TUBGCP6: variants seen among roughly 807,000 people sequenced by gnomAD.
The protein encoded by TUBGCP6 is tubulin gamma complex component 6.
In TUBGCP6, 161 loss-of-function variants were observed where a neutral mutation model predicts 175.8. The observed-to-expected ratio is 0.92, with a 90% CI of 0.81 to 1.04. The LOEUF is 1.04. Among genes scored for constraint, TUBGCP6 ranks in the 50% least tolerant of loss-of-function variants. The probability of loss-of-function intolerance (pLI) is 0.00; values close to 1 mark genes in which losing one functional copy is unlikely to be tolerated. For synonymous variants in TUBGCP6, 1,173 were observed against 1,030.5 expected (o/e 1.14, Z -2.65); for missense variants, 2,572 against 2,433.0 (o/e 1.06, Z -1.20).
At chr22:50,230,422 C>CA (rs2064672917) in intron 3 of TUBGCP6, among the ~76,000 whole-genome samples, 1 of 152,032 alleles carries the variant, frequency 6.6e-6, no homozygotes, top group Non-Finnish European at 1.5e-5. Flanking sequence ...GCCTGGCCAA[C>CA]ATGGCAAAGC....
chr22:50,226,556 TG>T (rs991578094), intron 7 of TUBGCP6, among the ~76,000 whole-genome samples, 176 bp downstream of exon 7: 5 of 6,824 alleles, frequency 7.3e-4, no homozygotes, highest in African/African-American at 2.4e-3. Context: ...GGGGGCAGGG[TG>T]GGGGGTGTGG....
Position 50,220,250 on chromosome 22 carries a change from C to T in TUBGCP6, c.4108+1G>A. ...CTGACCACCAGCCACCCTACTCTGA[C>T]CTAGTTCTTCAGAGACACTGTCTCC... is the stretch of plus-strand genomic sequence containing the variant. On this transcript the variant is annotated splice_donor_variant, in intron 16 of 24. Coordinates refer to ENST00000248846, the MANE Select transcript of TUBGCP6 (RefSeq NM_020461.4). LOFTEE classifies it high-confidence loss of function. 6.4e-7 allele frequency: 1 copy of T among 1,552,338 alleles called. No homozygotes were observed. The highest frequency in any genetic ancestry group is 8.7e-7 in the Non-Finnish European group (1 of 1,145,480).
Position 50,229,480 on chromosome 22 carries a change from G to A in TUBGCP6, c.1214C>T (p.Thr405Ile). The A allele has an allele frequency of 6.2e-7, 1 of 1,612,970 alleles. No individual in the cohort carries two copies. The highest frequency in any genetic ancestry group is 2.2e-5 in the East Asian group (1 of 44,864). Residue 405 changes from threonine (T) to isoleucine (I), a missense_variant, in exon 4 of 25, where the codon ACC becomes ATC. By Grantham distance (89) the Thr-to-Ile change is moderately conservative (BLOSUM62 -1). Coordinates refer to ENST00000248846, the MANE Select transcript of TUBGCP6 (RefSeq NM_020461.4). ...GAAATGACTCAGGCGCGTGTAGCAG[G>A]TCCCATACTCGGCCACTTCCGAGAG... Reference protein sequence around the residue: ...SLLSEVAEYGTCYTRLSHFSL... With the variant: ...SLLSEVAEYGICYTRLSHFSL...
At chr22:50,243,633 AAGAAG>A (rs1416888342) in intron 1 of TUBGCP6, 81 bp downstream of exon 1, 71 of 858,696 alleles carry the variant, frequency 8.3e-5, no homozygotes, top group Non-Finnish European at 1.1e-4. Flanking sequence ...AAAAAAAAAA[AAGAAG>A]AAGAAGAAGA....
At position 50,221,246 on chromosome 22, in the gene TUBGCP6, T is replaced by C; in HGVS notation, c.3113A>G (p.Asp1038Gly). 1.9e-6 allele frequency: 3 copies of C among 1,614,120 alleles called. No individual in the cohort carries two copies. Among genetic ancestry groups the C allele is most frequent in the Non-Finnish European group, 2.5e-6 (3 of 1,180,034 alleles). The change falls in exon 16 of 25, where the codon GAC (aspartate) becomes GGC (glycine). Residue 1038 changes from aspartate (D) to glycine (G), a missense_variant. Asp to Gly is a moderately conservative substitution (Grantham distance 94). Transcript: ENST00000248846. ...GGTGGGAGCTATTTCAGAAGCGTAGTCCCCTGTGGGAAGACCACCCCCTGA... is the reference window on the plus strand; with the variant it reads ...GGTGGGAGCTATTTCAGAAGCGTAGCCCCCTGTGGGAAGACCACCCCCTGA... ...QVSGGGLPTG[D>G]YASEIAPTRP...
intron 2 of TUBGCP6, among the ~76,000 whole-genome samples, chr22:50,235,026 T>A (rs1368478451): frequency 7.4e-6 from 1 of 135,742 alleles, no homozygotes; most frequent in Non-Finnish European, 1.6e-5. Flanking sequence ...ATCCACCCCC[T>A]GTCCACGGCA....
At chr22:50,228,866 C>T (rs1353038163) in intron 4 of TUBGCP6, among the ~76,000 whole-genome samples, 2 of 152,148 alleles carry the variant, frequency 1.3e-5, no homozygotes, top group Non-Finnish European at 2.9e-5. Flanking sequence ...CAACACCCTC[C>T]TCTCAATCCC....
chr22:50,219,040 C>T (rs137904544), intron 20 of TUBGCP6, 28 bp downstream of exon 20: 1 of 1,610,262 alleles, frequency 6.2e-7, no homozygotes, highest in Non-Finnish European at 8.5e-7. Flanking sequence ...CCCTCTACCA[C>T]TGGCCCCACC....
At chr22:50,236,920 C>T (rs1277952840) in intron 2 of TUBGCP6, among the ~76,000 whole-genome samples, 1 of 152,166 alleles carries the variant, frequency 6.6e-6, no homozygotes, top group Non-Finnish European at 1.5e-5. Context: ...CATGGCTGCA[C>T]ACCCCTCTTG....
At chr22:50,238,931 G>C (rs903116879) in intron 2 of TUBGCP6, among the ~76,000 whole-genome samples, 1 of 152,144 alleles carries the variant, frequency 6.6e-6, no homozygotes, top group Non-Finnish European at 1.5e-5. Flanking sequence ...CACCGTGCTG[G>C]GAAGCAGGGA....
At position 50,234,770 on chromosome 22, in the gene TUBGCP6, C is replaced by T. The variant is rs569570407; in HGVS notation, c.906-1244G>A. The stretch of plus-strand genomic sequence containing the variant: ...CCCATGGTACCAGCACCCACACCCC[C>T]GTCCACAGCAGCATCCACATCCAGG... On this transcript the variant is annotated intron_variant, in intron 2 of 24. Transcript: ENST00000248846. Among the ~76,000 whole-genome samples the T allele has an allele frequency of 6.0e-3, 859 of 142,990 alleles. 13 individuals carry two copies. The highest frequency in any genetic ancestry group is 0.02 in the African/African-American group (764 of 38,214). The allele number at this position is 142,990 out of a possible 152,430, so 93.8% of individuals were successfully genotyped here.
At position 50,220,264 on chromosome 22, in the gene TUBGCP6, G is replaced by C; in HGVS notation, c.4095C>G (p.Val1365=). Residue 1365 remains valine, a synonymous_variant, in exon 16 of 25, where the codon GTC becomes GTG. Transcript: ENST00000248846. ...PWWPNTPGDS[V]SEELGPGRSG... is the part of the protein sequence containing the mutation. ...CCCTACTCTGACCTAGTTCTTCAGA[G>C]ACACTGTCTCCCGGGGTGTTGGGCC... 3 of 1,559,436 alleles carry C rather than the reference G, an allele frequency of 1.9e-6. No homozygotes were observed. Among genetic ancestry groups the C allele is most frequent in the South Asian group, 1.2e-5 (1 of 83,080 alleles).
intron 1 of TUBGCP6, among the ~76,000 whole-genome samples, chr22:50,243,458 A>C (rs1001316782): frequency 6.6e-6 from 1 of 150,780 alleles, no homozygotes; most frequent in Non-Finnish European, 1.5e-5. Flanking sequence ...ATCTCAAAAA[A>C]AAAAAAAAAT....
rs1474033358 is a variant in TUBGCP6 at position 50,240,265 on chromosome 22, G to T, written c.844C>A (p.Leu282Met). The change falls in exon 2 of 25, where the codon CTG (leucine) becomes ATG (methionine). Residue 282 changes from leucine to methionine, a missense_variant. Physicochemically the swap from Leu to Met is conservative, Grantham distance 15. Transcript: ENST00000248846. The stretch of plus-strand genomic sequence containing the variant: ...TCATAGGTAAGTGCGGCTTCCCACA[G>T]GTCCACGTCTGGGGTCACGCTGGGC... ...SEPSVTPDVD[L>M]WEAALTYEAS... The T allele has an allele frequency of 2.5e-6, 4 of 1,613,888 alleles. No individual in the cohort carries two copies. The African/African-American group carries it at 4.0e-5, about 16-fold the overall frequency.
chr22:50,236,168 C>T (rs2064776544), intron 2 of TUBGCP6, among the ~76,000 whole-genome samples: 1 of 151,964 alleles, frequency 6.6e-6, no homozygotes, highest in African/African-American at 2.4e-5. Flanking sequence ...CGGAGTCTCG[C>T]TCTGTCACCC....
intron 2 of TUBGCP6, 84 bp downstream of exon 2, chr22:50,240,120 A>G (rs1243767482): frequency 6.3e-7 from 1 of 1,574,806 alleles, no homozygotes; most frequent in Admixed American, 1.8e-5. Flanking sequence ...CCCTGAGTAC[A>G]CAACGCCCCC....
At chr22:50,231,644 T>G (rs1329302019) in intron 3 of TUBGCP6, among the ~76,000 whole-genome samples, 1 of 151,192 alleles carries the variant, frequency 6.6e-6, no homozygotes, top group Non-Finnish European at 1.5e-5. Flanking sequence ...CGGATCACAA[T>G]GTCAGGAGAT....
chr22:50,233,725 G>T (rs17836662), intron 2 of TUBGCP6, among the ~76,000 whole-genome samples, 199 bp from the exon 3 acceptor site: 2 of 151,946 alleles, frequency 1.3e-5, no homozygotes, highest in South Asian at 2.1e-4. Context: ...ATACCAGCAC[G>T]ATCGATTCTA....
intron 2 of TUBGCP6, among the ~76,000 whole-genome samples, chr22:50,239,162 G>A (rs80270541): frequency 0.024 from 3,632 of 152,188 alleles, 92 homozygotes; most frequent in East Asian, 0.12. Flanking sequence ...ATTTGGGGAA[G>A]TGCGTGTTTT....
Sources: gnomAD v4.1 joint callset for allele counts (sites outside exome capture counted in the v4.1 genomes callset) on GRCh38, gnomAD v4.1.1 for gene constraint, MANE v1.5 for transcripts, NCBI Gene and HGNC (gene_info 2026-07-23, HGNC 2026-07-21) for gene names.